The following PPM1L variants were observed in gnomAD, a reference collection of about 807,000 sequenced individuals.
PPM1L encodes protein phosphatase 1L.
A neutral mutation model predicts 31.4 loss-of-function variants in PPM1L; 13 were observed. The ratio of observed to expected loss-of-function variants is 0.41; its 90% CI spans 0.27 to 0.66. The LOEUF (loss-of-function observed/expected upper bound fraction) is 0.66. Ranked by LOEUF, PPM1L falls within the 30% of genes least tolerant of loss-of-function variation. The pLI, the probability that PPM1L is intolerant of heterozygous loss-of-function variation, is 0.29. For synonymous variants in PPM1L, 184 were observed against 175.4 expected, an observed-to-expected ratio of 1.05 and a Z score of -0.39; for missense variants, 326 against 453.7, an observed-to-expected ratio of 0.72 and a Z score of 2.56.
intron 1 of PPM1L, among the ~76,000 whole-genome samples, chr3:160,872,698 G>C (rs1038146609): frequency 1.3e-5 from 2 of 152,082 alleles, no homozygotes; most frequent in Non-Finnish European, 2.9e-5. Flanking sequence ...AGGCTGAGGC[G>C]GGTGGATCAT....
At chr3:160,945,046 A>G (rs200807973) in intron 1 of PPM1L, among the ~76,000 whole-genome samples, 554 of 10,892 alleles carry the variant, frequency 0.051, 118 homozygotes, top group Middle Eastern at 0.33. Context: ...TAACATATAT[A>G]TTATATATAA....
At chr3:160,957,678 C>T (rs1213395606) in intron 1 of PPM1L, among the ~76,000 whole-genome samples, 2 of 150,458 alleles carry the variant, frequency 1.3e-5, no homozygotes, top group Non-Finnish European at 3.0e-5. Flanking sequence ...CCCAGGTTCA[C>T]CCATTCTCCT....
chr3:161,062,013 C>G (rs1719587413), intron 2 of PPM1L, among the ~76,000 whole-genome samples: 1 of 152,198 alleles, frequency 6.6e-6, no homozygotes, highest in African/African-American at 2.4e-5. Flanking sequence ...CCATCCTGCA[C>G]TTGTTGCCAT....
intron 2 of PPM1L, among the ~76,000 whole-genome samples, chr3:161,038,607 A>G (rs1200806486): frequency 7.0e-6 from 1 of 142,174 alleles, no homozygotes; most frequent in Non-Finnish European, 1.5e-5. Context: ...AAAAAAAAAA[A>G]AAAAAGCAAA....
At chr3:161,032,767 A>C (rs1718609938) in intron 2 of PPM1L, among the ~76,000 whole-genome samples, 1 of 150,982 alleles carries the variant, frequency 6.6e-6, no homozygotes, top group Non-Finnish European at 1.5e-5. Context: ...ATCTCAGCTC[A>C]CTGCAACCTC....
At chr3:160,970,179 A>G (rs553180980) in intron 2 of PPM1L, among the ~76,000 whole-genome samples, 40 of 152,260 alleles carry the variant, frequency 2.6e-4, no homozygotes, top group Non-Finnish European at 4.4e-4. Flanking sequence ...TCCATGTTTC[A>G]GTTCTCTTTA....
chr3:160,820,335 A>C (rs919289973), intron 1 of PPM1L, among the ~76,000 whole-genome samples: 2 of 152,118 alleles, frequency 1.3e-5, no homozygotes, highest in Non-Finnish European at 2.9e-5. Flanking sequence ...AGAATCTCAA[A>C]ATTTTTATTT....
chr3:160,795,418 A>G (rs1712218269), intron 1 of PPM1L, among the ~76,000 whole-genome samples: 2 of 152,150 alleles, frequency 1.3e-5, no homozygotes, highest in African/African-American at 2.4e-5. Flanking sequence ...TCCCACCCCC[A>G]CAAACAAAAC....
intron 1 of PPM1L, chr3:160,870,480 C>T (rs145934321): frequency 1.3e-3 from 202 of 152,324 alleles, no homozygotes; most frequent in African/African-American, 4.7e-3. Context: ...GCATAATAAT[C>T]GCTAGCAAAT....
rs1404149209 is a variant in PPM1L at position 160,814,490 on chromosome 3, CACACACATATATGTATGTGTATATATAT to C, written c.399+57791_399+57818del. Reference sequence around the variant, plus strand: ...TGTGGTGTATATACACACACACACACACACACATATATGTATGTGTATATATATACACACACATATGTATGTATGTGTA... The same window carrying C: ...TGTGGTGTATATACACACACACACACACACACACATATGTATGTATGTGTA... On this transcript the variant is annotated intron_variant, in intron 1 of 3. Transcript: ENST00000498165. 3.1e-3 allele frequency among the ~76,000 whole-genome samples: 461 copies of C among 150,162 alleles called. 5 individuals are homozygous for C. Among genetic ancestry groups the C allele is most frequent in the Admixed American group, 0.012 (179 of 15,118 alleles).
intron 1 of PPM1L, among the ~76,000 whole-genome samples, chr3:160,862,091 T>G (rs1207805456): frequency 6.6e-6 from 1 of 152,050 alleles, no homozygotes; most frequent in Non-Finnish European, 1.5e-5. Flanking sequence ...CGTGGACATA[T>G]TTGAGGGGGG....
intron 1 of PPM1L, among the ~76,000 whole-genome samples, chr3:160,802,073 C>T (rs978392323): frequency 1.3e-5 from 2 of 152,196 alleles, no homozygotes; most frequent in Admixed American, 1.3e-4. Context: ...TTCTGCCCAA[C>T]ATCCTCTACT....
rs77415444 is a variant in PPM1L at position 160,860,336 on chromosome 3, C to T, written c.400-101400C>T. On this transcript the variant is annotated intron_variant, in intron 1 of 3. Coordinates refer to ENST00000498165, the MANE Select transcript of PPM1L (RefSeq NM_139245.4). ...AGATTCTAATATATTCCTCAGCTAA[C>T]GTCCTGTTGCCACATTTATTGTCCT... Among the ~76,000 whole-genome samples the T allele has an allele frequency of 3.7e-3, 560 of 152,240 alleles. 15 individuals carry two copies. In the East Asian group the frequency reaches 0.095, roughly 26 times the overall value.
chr3:161,014,710 TC>T (rs1718023702), intron 2 of PPM1L, among the ~76,000 whole-genome samples: 1 of 152,168 alleles, frequency 6.6e-6, no homozygotes. Context: ...GACCTCATGA[TC>T]CGCCTGTCTG....
chr3:160,764,277 A>G (rs927369695), intron 1 of PPM1L, among the ~76,000 whole-genome samples: 20 of 152,206 alleles, frequency 1.3e-4, no homozygotes, highest in African/African-American at 3.9e-4. Flanking sequence ...GACTATAGGC[A>G]TGTGCCACTG....
At chr3:160,914,788 C>A (rs1714102004) in intron 1 of PPM1L, among the ~76,000 whole-genome samples, 1 of 152,034 alleles carries the variant, frequency 6.6e-6, no homozygotes, top group Non-Finnish European at 1.5e-5. Flanking sequence ...GATTTATAAT[C>A]CTTTGGGTAT....
At chr3:160,965,920 C>A (rs1372126953) in intron 2 of PPM1L, among the ~76,000 whole-genome samples, 1 of 151,970 alleles carries the variant, frequency 6.6e-6, no homozygotes, top group Admixed American at 6.6e-5. Context: ...AATAAAAAAA[C>A]AATTAATGAA....
At chr3:160,925,852 G>A (rs1009507940) in intron 1 of PPM1L, among the ~76,000 whole-genome samples, 3 of 152,290 alleles carry the variant, frequency 2.0e-5, no homozygotes, top group Admixed American at 6.5e-5. Flanking sequence ...CATCTTTCTA[G>A]TTCTACTCAT....
chr3:160,843,426 TTATATATATA>T (rs55994031), intron 1 of PPM1L, among the ~76,000 whole-genome samples: 1,999 of 47,494 alleles, frequency 0.042, 56 homozygotes, highest in Admixed American at 0.073. Context: ...GGCAATTCTT[TTATATATATA>T]TATATATATA....
Sources: allele counts gnomAD v4.1 joint callset (sites outside exome capture counted in the v4.1 genomes callset), GRCh38; gene constraint gnomAD v4.1.1; transcripts MANE v1.5; gene names NCBI Gene and HGNC (gene_info 2026-07-23, HGNC 2026-07-21).